SHC3: variants seen among roughly 807,000 people sequenced by gnomAD.
SHC3 encodes the protein SHC adaptor protein 3, also known as SHC-transforming protein 3.
SHC3 carries 15 observed loss-of-function variants against 60.4 expected under a neutral mutation model. The ratio of observed to expected loss-of-function variants is 0.25; its 90% confidence interval spans 0.17 to 0.38. The LOEUF (loss-of-function observed/expected upper bound fraction) is 0.38, where lower values mean the gene tolerates loss of function less well. SHC3 is among the 10% of genes least tolerant of loss of function. The pLI is 1.00. For missense variants in SHC3, 677 were observed against 786.1 expected (o/e 0.86, Z 1.66); for synonymous variants, 294 against 325.9 (o/e 0.90, Z 1.05).
chr9:89,097,830 T>C (rs1450344350), intron 2 of SHC3, among the ~76,000 whole-genome samples: 1 of 152,220 alleles, frequency 6.6e-6, no homozygotes, highest in East Asian at 1.9e-4. Context: ...CACTTTAGAC[T>C]TTGTGCTTTT....
intron 1 of SHC3, among the ~76,000 whole-genome samples, chr9:89,122,129 T>C (rs1274772976): frequency 6.6e-6 from 1 of 152,242 alleles, no homozygotes; most frequent in Non-Finnish European, 1.5e-5. Flanking sequence ...GCTTCTATGT[T>C]GTTTTGGACA....
chr9:89,176,771 GA>G (rs1286038071), intron 1 of SHC3, among the ~76,000 whole-genome samples: 1 of 152,198 alleles, frequency 6.6e-6, no homozygotes, highest in Non-Finnish European at 1.5e-5. Context: ...AAAAGGTGAA[GA>G]AGCCCTCTTT....
At position 89,169,788 on chromosome 9, in the gene SHC3, C is replaced by G. The variant is rs149838689; in HGVS notation, c.474+8199G>C. Among the ~76,000 whole-genome samples the G allele has an allele frequency of 2.0e-5, 3 of 152,268 alleles. No homozygotes were observed. The East Asian group carries it at 5.8e-4, about 29-fold the overall frequency. Reference sequence around the variant, plus strand: ...CCCTGGGGCCTCATTTTACCATTCTCTCTATTTTGTTGTGTTTATATGTTT... The same window carrying G: ...CCCTGGGGCCTCATTTTACCATTCTGTCTATTTTGTTGTGTTTATATGTTT... On this transcript the variant is annotated intron_variant, in intron 1 of 11. Coordinates refer to ENST00000375835, the MANE Select transcript of SHC3 (RefSeq NM_016848.6).
chr9:89,153,008 G>C (rs893924539), intron 1 of SHC3, among the ~76,000 whole-genome samples: 4 of 152,202 alleles, frequency 2.6e-5, no homozygotes, highest in African/African-American at 9.6e-5. Context: ...AACTCAGGGG[G>C]TGGGACTGGA....
chr9:89,154,269 T>A lies in SHC3; in HGVS notation c.474+23718A>T, dbSNP rs548704677. Among the ~76,000 whole-genome samples the A allele has an allele frequency of 1.8e-4, 27 of 152,244 alleles. No homozygotes were observed. In the South Asian group the frequency reaches 5.6e-3, roughly 32 times the overall value. On this transcript the variant is annotated intron_variant, in intron 1 of 11. Transcript: ENST00000375835. Reference sequence around the variant, plus strand: ...GTATTTTATGTGTGGTCCAAGACAATTTTTCTTCTTCCAATGTGGCCCAGG... The same window carrying A: ...GTATTTTATGTGTGGTCCAAGACAAATTTTCTTCTTCCAATGTGGCCCAGG...
intron 1 of SHC3, among the ~76,000 whole-genome samples, chr9:89,132,298 T>A (rs981212134): frequency 6.6e-6 from 1 of 152,196 alleles, no homozygotes; most frequent in Non-Finnish European, 1.5e-5. Flanking sequence ...TGCTCATGGA[T>A]AGGGAGAATC....
In SHC3 at chr9:89,067,040, G is replaced by T. The variant is rs58269068; in HGVS notation, c.784-1460C>A. ...GCTGCTTCCCCGGTCATTCTGCAGG[G>T]CGTGGCTCAGCTAAGCTGTTTTCTT... On this transcript the variant is annotated intron_variant, in intron 5 of 11. Coordinates refer to ENST00000375835, the MANE Select transcript of SHC3 (RefSeq NM_016848.6). 2.5e-3 allele frequency among the ~76,000 whole-genome samples: 375 copies of T among 152,336 alleles called. 2 individuals carry two copies. Among genetic ancestry groups the T allele is most frequent in the African/African-American group, 8.8e-3 (366 of 41,576 alleles).
chr9:89,063,936 T>G (rs1263751831), intron 6 of SHC3, among the ~76,000 whole-genome samples: 1 of 152,224 alleles, frequency 6.6e-6, no homozygotes, highest in Non-Finnish European at 1.5e-5. Flanking sequence ...CTGGGTGACT[T>G]CAACAACAGA....
At chr9:89,171,966 C>T (rs545544130) in intron 1 of SHC3, among the ~76,000 whole-genome samples, 2 of 152,326 alleles carry the variant, frequency 1.3e-5, no homozygotes, top group Admixed American at 1.3e-4. Context: ...CAAAAAGAAA[C>T]CCGCCAGAGG....
At chr9:89,028,462 A>C (rs1297892810) in intron 11 of SHC3, among the ~76,000 whole-genome samples, 2 of 148,412 alleles carry the variant, frequency 1.3e-5, no homozygotes, top group Non-Finnish European at 3.0e-5. Flanking sequence ...TAAACAATTT[A>C]TATTAATAGA....
intron 11 of SHC3, among the ~76,000 whole-genome samples, chr9:89,019,062 GAAA>G (rs1158735225): frequency 1.8e-5 from 2 of 108,632 alleles, no homozygotes. Context: ...CTGTCTCAGA[GAAA>G]AAAAAAAAAA....
intron 1 of SHC3, among the ~76,000 whole-genome samples, chr9:89,127,221 C>A (rs1404543212): frequency 6.6e-6 from 1 of 152,086 alleles, no homozygotes; most frequent in Non-Finnish European, 1.5e-5. Flanking sequence ...TTTTTAAATT[C>A]TCTTCCCCTC....
intron 9 of SHC3, among the ~76,000 whole-genome samples, chr9:89,043,664 T>A (rs111777240): frequency 0.1 from 15,420 of 151,968 alleles, 2,501 homozygotes; most frequent in African/African-American, 0.35. Context: ...TTTTTTTTTT[T>A]TTTTTGAGGC....
At position 89,036,936 on chromosome 9, in the gene SHC3, TA is replaced by T. The variant is rs1824588030; in HGVS notation, c.1656+1056del. 2.2e-5 allele frequency among the ~76,000 whole-genome samples: 3 copies of T among 137,842 alleles called. No individual in the cohort carries two copies. The South Asian group carries it at 7.1e-4, about 33-fold the overall frequency. 90.4% of individuals were successfully genotyped at this position (137,842 alleles called of 152,430 possible). A position where few individuals can be genotyped will look rare whatever the true frequency, so the allele number is the denominator to read the frequency against. Reference sequence around the variant, plus strand: ...ATTTCTAAAAGGCACAAACACAAAATATGTTTTCTCAGAAGTACATATATGT... The same window carrying T: ...ATTTCTAAAAGGCACAAACACAAAATTGTTTTCTCAGAAGTACATATATGT... On this transcript the variant is annotated intron_variant, in intron 11 of 11. Transcript: ENST00000375835.
At position 89,112,538 on chromosome 9, in the gene SHC3, A is replaced by C; in HGVS notation, c.545+18T>G. On this transcript the variant is annotated intron_variant, in intron 2 of 11. Transcript: ENST00000375835. Reference sequence around the variant, plus strand: ...TTCAGAAGTAAAATCACAGGAGTCCATTTTCAAGAGGGCTTACCTGGTAAT... The same window carrying C: ...TTCAGAAGTAAAATCACAGGAGTCCCTTTTCAAGAGGGCTTACCTGGTAAT... 3.7e-6 allele frequency: 6 copies of C among 1,604,368 alleles called. No individual in the cohort carries two copies. Among genetic ancestry groups the C allele is most frequent in the Non-Finnish European group, 5.1e-6 (6 of 1,176,436 alleles).
chr9:89,043,874 G>A (rs1219689300), intron 9 of SHC3, among the ~76,000 whole-genome samples: 1 of 151,978 alleles, frequency 6.6e-6, no homozygotes, highest in Non-Finnish European at 1.5e-5. Flanking sequence ...GGCTGGCATC[G>A]AACTCCTGAC....
At chr9:89,158,278 T>C (rs1826654978) in intron 1 of SHC3, among the ~76,000 whole-genome samples, 1 of 152,118 alleles carries the variant, frequency 6.6e-6, no homozygotes, top group Non-Finnish European at 1.5e-5. Flanking sequence ...TTTGCAGCCA[T>C]GTTGTTTAAT....
chr9:89,159,464 C>T (rs1826672821), intron 1 of SHC3, among the ~76,000 whole-genome samples: 1 of 152,170 alleles, frequency 6.6e-6, no homozygotes, highest in South Asian at 2.1e-4. Flanking sequence ...CAAGGACTGT[C>T]ATCTGGTAAG....
intron 2 of SHC3, among the ~76,000 whole-genome samples, chr9:89,078,542 G>A (rs1156840718): frequency 2.6e-5 from 4 of 152,140 alleles, no homozygotes; most frequent in East Asian, 1.9e-4. Context: ...CATGGGTCCC[G>A]GTGGAGGAGG....
Sources: gnomAD v4.1 joint callset for allele counts (sites outside exome capture counted in the v4.1 genomes callset) on GRCh38, gnomAD v4.1.1 for gene constraint, MANE v1.5 for transcripts, NCBI Gene and HGNC (gene_info 2026-07-23, HGNC 2026-07-21) for gene names.